The following ZP4 variants were observed in gnomAD, a reference collection of about 807,000 sequenced individuals.
The protein encoded by ZP4 is zona pellucida glycoprotein 4, also known as zona pellucida sperm-binding protein 4.
In ZP4, 62 loss-of-function variants were observed where a neutral mutation model predicts 62.3. The observed-to-expected ratio is 0.99, with a 90% confidence interval of 0.81 to 1.23. The LOEUF (loss-of-function observed/expected upper bound fraction) is 1.23, where lower values mean the gene tolerates loss of function less well. Among genes scored for constraint, ZP4 ranks in the 50% most tolerant of loss-of-function variants. The pLI is 0.00. For missense variants in ZP4, 774 were observed against 656.0 expected (o/e 1.18, Z -1.97); for synonymous variants, 289 against 247.3 (o/e 1.17, Z -1.58).
At chr1:237,889,844 C>A (rs2103020923) in intron 3 of ZP4, 23 bp downstream of exon 3, 389 of 1,155,980 alleles carry the variant, frequency 3.4e-4, no homozygotes, top group Non-Finnish European at 4.5e-4. Context: ...CCCCACAAGA[C>A]CCTGAGAGCT....
At chr1:237,882,637 G>C in intron 11 of ZP4, 88 bp from the exon 12 acceptor site, 1 of 1,573,064 alleles carries the variant, frequency 6.4e-7, no homozygotes, top group South Asian at 1.2e-5. Flanking sequence ...TCTGCTATAG[G>C]AAGGTCAATT....
chr1:237,883,046 C>T (rs949857336), intron 10 of ZP4, among the ~76,000 whole-genome samples, 200 bp from the exon 11 acceptor site: 8 of 152,076 alleles, frequency 5.3e-5, no homozygotes, highest in East Asian at 1.9e-4. Context: ...CCAGGACTTT[C>T]GTATAAAGAT....
At chr1:237,884,494 A>C (rs1665047618) in intron 10 of ZP4, among the ~76,000 whole-genome samples, 1 of 152,196 alleles carries the variant, frequency 6.6e-6, no homozygotes, top group Non-Finnish European at 1.5e-5. Flanking sequence ...TTAAAATGAG[A>C]CATAAGATAG....
chr1:237,887,750 T>G (rs1325230371), intron 4 of ZP4, among the ~76,000 whole-genome samples, 189 bp from the exon 5 acceptor site: 1 of 152,192 alleles, frequency 6.6e-6, no homozygotes, highest in African/African-American at 2.4e-5. Flanking sequence ...GGTTGAGTCT[T>G]GCCTCCCTGA....
rs202241361 is a variant in ZP4, at chr1:237,884,769, G to A, written c.1390C>T (p.Arg464Ter). The change falls in exon 10 of 12, where the codon CGA becomes TGA. Residue 464 changes from arginine to a stop codon, truncating the protein, a stop_gained and splice_region_variant. Transcript: ENST00000366570. LOFTEE classifies it high-confidence loss of function. ...GTCCTCTAACAGCTTGGTTACTCAC[G>A]ACTGAGATCAGGACAGGTCACCACA... is the stretch of plus-strand genomic sequence containing the variant. The part of the protein sequence containing the change: ...SCVVTCPDLS[R>*]RRNFDNSSQN... 45 of 1,613,140 alleles carry A rather than the reference G, an allele frequency of 2.8e-5. No individual in the cohort carries two copies. The highest frequency in any genetic ancestry group is 3.6e-5 in the Non-Finnish European group (43 of 1,179,582).
rs952086192 is a variant in ZP4, at chr1:237,890,699, T to C, written c.-64A>G. 4.7e-5 allele frequency: 72 copies of C among 1,544,180 alleles called. No homozygotes were observed. Among genetic ancestry groups the C allele is most frequent in the Non-Finnish European group, 5.9e-5 (68 of 1,144,000 alleles). On this transcript the variant is annotated 5_prime_UTR_variant, in exon 1 of 12. Transcript: ENST00000366570. ...CCTCCTCTCCCAAGAGCCGAGGGTC[T>C]GCCTGCCCAGATTCCTTTATATACA...
Position 237,890,789 on chromosome 1 carries a change from G to C in ZP4, c.-154C>G. On this transcript the variant is annotated 5_prime_UTR_variant, in exon 1 of 12. Transcript: ENST00000366570. Reference sequence around the variant, plus strand: ...TCAGGTGGGATGCCTTCAGAAAGGGGAATTCCTCTAGCCTCATTTGCTTTG... The same window carrying C: ...TCAGGTGGGATGCCTTCAGAAAGGGCAATTCCTCTAGCCTCATTTGCTTTG... 1 of 789,496 alleles carries C rather than the reference G, an allele frequency of 1.3e-6. No homozygotes were observed. The allele number at this position is 789,496 out of a possible 1,614,324, so 48.9% of individuals were successfully genotyped here. A position where few individuals can be genotyped will look rare whatever the true frequency, so the allele number is the denominator to read the frequency against.
rs572916405 is a variant in ZP4, at chr1:237,887,834, C to T, written c.554-273G>A. On this transcript the variant is annotated intron_variant, in intron 4 of 11. Coordinates refer to ENST00000366570, the MANE Select transcript of ZP4 (RefSeq NM_021186.5). ...ATGTGTTAAGAGGGGGATAGTAGTT[C>T]CTACCTCATTTTGCTTGTCAGTTAA... 1.1e-3 allele frequency among the ~76,000 whole-genome samples: 166 copies of T among 152,272 alleles called. 1 individual carries two copies. Among genetic ancestry groups the T allele is most frequent in the Non-Finnish European group, 1.9e-3 (127 of 68,026 alleles).
chr1:237,890,654 T>G lies in ZP4; in HGVS notation c.-19A>C. ...GCCACATAATGCTACCAGGAGTTCC[T>G]GCCGGCTGCAGACTCTCCGCCTCCT... is the stretch of plus-strand genomic sequence containing the variant. On this transcript the variant is annotated 5_prime_UTR_variant, in exon 1 of 12. Transcript: ENST00000366570. 6.2e-7 allele frequency: 1 copy of G among 1,605,690 alleles called. No individual in the cohort carries two copies. Among genetic ancestry groups the G allele is most frequent in the Non-Finnish European group, 8.5e-7 (1 of 1,175,626 alleles).
rs1480758250 is a variant in ZP4, at chr1:237,890,464, A to G, written c.172T>C (p.Trp58Arg). The G allele has an allele frequency of 1.9e-6, 3 of 1,607,858 alleles. No individual in the cohort carries two copies. The highest frequency in any genetic ancestry group is 1.7e-4 in the Middle Eastern group (1 of 6,012). Residue 58 changes from tryptophan (W) to arginine (R), a missense_variant, in exon 1 of 12, where the codon TGG becomes CGG. Transcript: ENST00000366570. ...CAAGGCAAGTCATCAAACTTACCCCAAGCTATTAGTACAGGAGGAGACGTT... is the reference window on the plus strand; with the variant it reads ...CAAGGCAAGTCATCAAACTTACCCCGAGCTATTAGTACAGGAGGAGACGTT... ...EATSPPVLIA[W>R]DNQGLLHELQ...
At chr1:237,887,311 C>T in intron 5 of ZP4, 63 bp downstream of exon 5, 11 of 1,566,534 alleles carry the variant, frequency 7.0e-6, no homozygotes, top group Non-Finnish European at 9.6e-6. Context: ...CAGCTCTCCC[C>T]CACTAGTCAC....
Position 237,887,439 on chromosome 1 carries a change from C to G in ZP4, c.676G>C (p.Val226Leu). The change falls in exon 5 of 12, where the codon GTG becomes CTG. Residue 226 changes from valine (V) to leucine (L), a missense_variant. Physicochemically the swap from Val to Leu is conservative, Grantham distance 32 (BLOSUM62 1). Coordinates refer to ENST00000366570, the MANE Select transcript of ZP4 (RefSeq NM_021186.5). ...ALRNDSACNP[V>L]MATQAFVLFQ... ...AGAACAAAAGCTTGTGTTGCCATCA[C>G]AGGGTTACACGCACTGTCATTCCTA... 2 of 1,614,164 alleles carry G rather than the reference C, an allele frequency of 1.2e-6. No homozygotes were observed. The highest frequency in any genetic ancestry group is 1.7e-6 in the Non-Finnish European group (2 of 1,180,026).
At chr1:237,883,728 G>GAAGAGAGAGGAAGAGA (rs1558530153) in intron 10 of ZP4, among the ~76,000 whole-genome samples, 1 of 19,196 alleles carries the variant, frequency 5.2e-5, no homozygotes, top group African/African-American at 2.5e-4. Flanking sequence ...GGAGGGCGGG[G>GAAGAGAGAGGAAGAGA]GAGGGAGAGA....
chr1:237,885,435 G>A lies in ZP4; in HGVS notation c.1116C>T (p.Ser372=). 6.2e-7 allele frequency: 1 copy of A among 1,613,912 alleles called. No homozygotes were observed. The highest frequency in any genetic ancestry group is 8.5e-7 in the Non-Finnish European group (1 of 1,179,924). Residue 372 remains serine (S), a synonymous_variant, in exon 8 of 12, where the codon AGC becomes AGT. Coordinates refer to ENST00000366570, the MANE Select transcript of ZP4 (RefSeq NM_021186.5). ...ACTGTGGCTGACTCAGGGGGTCAGT[G>A]CTGGGTGTTGCCCAACACTGTTGTA... ...LLLQQCWATP[S]TDPLSQPQWP... is the part of the protein sequence containing the mutation.
intron 9 of ZP4, 93 bp downstream of exon 9, chr1:237,885,072 G>T (rs1207625062): frequency 6.6e-7 from 1 of 1,524,704 alleles, no homozygotes; most frequent in Non-Finnish European, 8.9e-7. Context: ...GCATTAAAGG[G>T]CTTCCTTGGC....
rs1176323738 is a variant in ZP4, at chr1:237,890,845, TA to T, written c.-211del. 4.9e-5 allele frequency: 24 copies of T among 487,474 alleles called. No individual in the cohort carries two copies. In the East Asian group the frequency reaches 7.4e-4, roughly 15 times the overall value. The allele number at this position is 487,474 out of a possible 1,614,324, so 30.2% of individuals were successfully genotyped here. A position where few individuals can be genotyped will look rare whatever the true frequency, so the allele number is the denominator to read the frequency against. Reference sequence around the variant, plus strand: ...CAGTCTGCAGCTGCCTCACATTAAATACCACAATCCAGGCAGACTTCAGAGC... The same window carrying T: ...CAGTCTGCAGCTGCCTCACATTAAATCCACAATCCAGGCAGACTTCAGAGC... On this transcript the variant is annotated 5_prime_UTR_variant, in exon 1 of 12. Coordinates refer to ENST00000366570, the MANE Select transcript of ZP4 (RefSeq NM_021186.5).
At chr1:237,886,949 A>T in intron 5 of ZP4, 81 bp from the exon 6 acceptor site, 2 of 1,192,826 alleles carry the variant, frequency 1.7e-6, no homozygotes, top group Non-Finnish European at 2.5e-6. Context: ...AGCCCTCAGC[A>T]ATGCTACCCT....
chr1:237,884,163 C>T (rs1434927949), intron 10 of ZP4, among the ~76,000 whole-genome samples: 1 of 152,082 alleles, frequency 6.6e-6, no homozygotes, highest in Non-Finnish European at 1.5e-5. Flanking sequence ...ATGGTTCATT[C>T]TTTAGAAGTA....
chr1:237,883,738 A>AGAGGAAGAGAGAGG (rs1664987765), intron 10 of ZP4, among the ~76,000 whole-genome samples: 2 of 45,726 alleles, frequency 4.4e-5, no homozygotes, highest in East Asian at 1.0e-3. Context: ...GGAGGGAGAG[A>AGAGGAAGAGAGAGG]GAGGGAGAGA....
Sources: gnomAD v4.1 joint callset for allele counts (sites outside exome capture counted in the v4.1 genomes callset) on GRCh38, gnomAD v4.1.1 for gene constraint, MANE v1.5 for transcripts, NCBI Gene and HGNC (gene_info 2026-07-23, HGNC 2026-07-21) for gene names.